ARHGAP18: variants seen among roughly 807,000 people sequenced by gnomAD.
ARHGAP18 encodes the protein Rho GTPase activating protein 18.
ARHGAP18 carries 67 observed loss-of-function variants against 86.2 expected under a neutral mutation model. That is an observed-to-expected ratio of 0.78 (90% confidence interval 0.64 to 0.95). The LOEUF (loss-of-function observed/expected upper bound fraction) is 0.95, where lower values mean the gene tolerates loss of function less well. ARHGAP18 is among the 40% of genes least tolerant of loss of function. ARHGAP18 has a pLI of 0.00. For synonymous variants in ARHGAP18, 283 were observed against 280.4 expected, an observed-to-expected ratio of 1.01 and a Z score of -0.09; for missense variants, 691 against 780.4, an observed-to-expected ratio of 0.89 and a Z score of 1.37.
intron 5 of ARHGAP18, among the ~76,000 whole-genome samples, chr6:129,628,710 T>C (rs1466168775): frequency 6.6e-6 from 1 of 152,134 alleles, no homozygotes; most frequent in African/African-American, 2.4e-5. Flanking sequence ...AAAACTGATT[T>C]GGACTCTTTG....
chr6:129,599,135 A>G (rs1177355982), intron 12 of ARHGAP18, 81 bp downstream of exon 12: 1 of 1,203,504 alleles, frequency 8.3e-7, no homozygotes, highest in East Asian at 2.9e-5. Flanking sequence ...AAGTCATACT[A>G]TGAAAACATT....
At chr6:129,694,394 C>T (rs527507308) in intron 1 of ARHGAP18, among the ~76,000 whole-genome samples, 1 of 152,166 alleles carries the variant, frequency 6.6e-6, no homozygotes, top group African/African-American at 2.4e-5. Context: ...TACCACCAGC[C>T]TGAATGGGTT....
chr6:129,633,808 G>A (rs570848629), intron 4 of ARHGAP18, among the ~76,000 whole-genome samples: 1 of 152,130 alleles, frequency 6.6e-6, no homozygotes, highest in Non-Finnish European at 1.5e-5. Flanking sequence ...CACATGATAA[G>A]CACTCAGGAA....
intron 1 of ARHGAP18, among the ~76,000 whole-genome samples, chr6:129,651,268 G>C (rs138047143): frequency 6.6e-6 from 1 of 152,058 alleles, no homozygotes; most frequent in Admixed American, 6.6e-5. Flanking sequence ...GTTACTTGTG[G>C]ATGTTTAGTC....
chr6:129,628,729 G>T (rs1773098297), intron 5 of ARHGAP18, among the ~76,000 whole-genome samples: 1 of 152,102 alleles, frequency 6.6e-6, no homozygotes, highest in Admixed American at 6.6e-5. Flanking sequence ...TGATAATATT[G>T]AAGAAAAGCA....
intron 5 of ARHGAP18, among the ~76,000 whole-genome samples, chr6:129,624,630 G>T (rs180936265): frequency 6.6e-6 from 1 of 151,664 alleles, no homozygotes; most frequent in East Asian, 1.9e-4. Flanking sequence ...TTCCCATTAG[G>T]TATAAACACA....
At chr6:129,629,243 CTCTCTATA>C (rs1488417616) in intron 5 of ARHGAP18, 102 bp downstream of exon 5, 9 of 872,476 alleles carry the variant, frequency 1.0e-5, no homozygotes, top group Admixed American at 3.4e-5. Context: ...GTCTCTCTCT[CTCTCTATA>C]TATATATATA....
chr6:129,641,711 TGGTGGTCCTAGCTTTAA>T, intron 2 of ARHGAP18, 88 bp downstream of exon 2: 1 of 1,041,780 alleles, frequency 9.6e-7, no homozygotes, highest in Non-Finnish European at 1.4e-6. Context: ...TATCTTTTTT[TGGTGGTCCTAGCTTTAA>T]TTTTTTTTTT....
Position 129,638,523 on chromosome 6 carries a change from C to T in ARHGAP18, c.423G>A (p.Thr141=), listed in dbSNP as rs1051482752. The part of the protein sequence containing the change: ...QESIVFLSTL[T]RTQAAAVQKR... ...TCTGAACTGCTGCTGCCTGGGTCCG[C>T]GTCAATGTTGATAAAAACACAATGC... The change falls in exon 3 of 15, where the codon ACG becomes ACA. Residue 141 remains threonine (T), a synonymous_variant. Transcript: ENST00000368149. 4 of 1,614,088 alleles carry T rather than the reference C, an allele frequency of 2.5e-6. No homozygotes were observed. The highest frequency in any genetic ancestry group is 1.6e-4 in the Middle Eastern group (1 of 6,062).
intron 1 of ARHGAP18, among the ~76,000 whole-genome samples, chr6:129,673,945 C>T (rs1241357456): frequency 3.3e-5 from 5 of 151,910 alleles, no homozygotes; most frequent in African/African-American, 1.2e-4. Flanking sequence ...ATCTCTAGGC[C>T]CACAGAGTAA....
chr6:129,668,361 A>T (rs1268743571), intron 1 of ARHGAP18, among the ~76,000 whole-genome samples: 1 of 64,508 alleles, frequency 1.6e-5, no homozygotes, highest in Non-Finnish European at 3.2e-5. Context: ...TACCCAAATA[A>T]TCACACACAC....
Position 129,658,967 on chromosome 6 carries a change from ATT to A in ARHGAP18, c.114-16951_114-16950del, listed in dbSNP as rs536102640. Among the ~76,000 whole-genome samples, 209 of 152,368 alleles carry A rather than the reference ATT, an allele frequency of 1.4e-3. 1 individual carries two copies. The highest frequency in any genetic ancestry group is 2.5e-3 in the South Asian group (12 of 4,830). ...GAAATAAAAGGTGAGGACGAAAGTT[ATT>A]TAATTTTTTTTTAGTAACTACATTT... On this transcript the variant is annotated intron_variant, in intron 1 of 14. Transcript: ENST00000368149.
chr6:129,639,982 TTGCAATGA>T (rs1773414008), intron 2 of ARHGAP18, among the ~76,000 whole-genome samples: 1 of 146,390 alleles, frequency 6.8e-6, no homozygotes, highest in African/African-American at 2.6e-5. Flanking sequence ...GAGGCAGAGG[TTGCAATGA>T]ACCGAGATTG....
chr6:129,682,534 T>C (rs554866823), intron 1 of ARHGAP18, among the ~76,000 whole-genome samples: 26 of 152,344 alleles, frequency 1.7e-4, no homozygotes, highest in Middle Eastern at 3.4e-3. Context: ...TATCTGTAGA[T>C]GGTTACTGAA....
chr6:129,683,228 C>T (rs1473657341), intron 1 of ARHGAP18, among the ~76,000 whole-genome samples: 3 of 152,012 alleles, frequency 2.0e-5, no homozygotes, highest in Non-Finnish European at 2.9e-5. Context: ...CTCGCCACCA[C>T]GCCCGGCTAA....
intron 1 of ARHGAP18, among the ~76,000 whole-genome samples, chr6:129,686,978 C>CTTTTTTTTTTTTTTTTTTTTTTTTT (rs71028176): frequency 2.8e-5 from 3 of 106,940 alleles, no homozygotes; most frequent in Non-Finnish European, 3.8e-5. Context: ...TTTTTTTTTT[C>CTTTTTTTTTTTTTTTTTTTTTTTTT]TTTTTTTTTT....
chr6:129,641,279 A>G (rs181757041), intron 2 of ARHGAP18, among the ~76,000 whole-genome samples: 1 of 152,360 alleles, frequency 6.6e-6, no homozygotes, highest in Admixed American at 6.5e-5. Flanking sequence ...AATATTCTCA[A>G]GTATATGAAA....
chr6:129,592,372 A>G (rs529540686), intron 12 of ARHGAP18, among the ~76,000 whole-genome samples: 1 of 152,336 alleles, frequency 6.6e-6, no homozygotes, highest in East Asian at 1.9e-4. Context: ...CAGCATCTAC[A>G]CCGCACTGCT....
chr6:129,670,095 A>T (rs1181300953), intron 1 of ARHGAP18, among the ~76,000 whole-genome samples: 1 of 152,218 alleles, frequency 6.6e-6, no homozygotes, highest in East Asian at 1.9e-4. Context: ...GCATAAAGCT[A>T]CTTTGCTGGA....
Sources: allele counts gnomAD v4.1 joint callset (sites outside exome capture counted in the v4.1 genomes callset), GRCh38; gene constraint gnomAD v4.1.1; transcripts MANE v1.5; gene names NCBI Gene and HGNC (gene_info 2026-07-23, HGNC 2026-07-21).